The following RBM4 variants were observed in gnomAD, a reference collection of about 807,000 sequenced individuals.
RBM4 encodes RNA-binding protein 4.
Under a neutral mutation model 29.5 loss-of-function variants are expected in RBM4, and 7 were observed. The ratio of observed to expected loss-of-function variants is 0.24; its 90% CI spans 0.14 to 0.45. RBM4 has a LOEUF of 0.45. Among genes scored for constraint, RBM4 ranks in the 20% least tolerant of loss-of-function variants. The pLI is 1.00. For missense variants in RBM4, 387 were observed against 502.3 expected, an observed-to-expected ratio of 0.77 and a Z score of 2.19; for synonymous variants, 220 against 205.4, an observed-to-expected ratio of 1.07 and a Z score of -0.61.
rs760402661 is a variant in RBM4 at position 66,646,338 on chromosome 11, C to T, written c.*320C>T. On this transcript the variant is annotated 3_prime_UTR_variant, in exon 4 of 4. Transcript: ENST00000310092. ...TCTCCTCCCTGCCTCCTGCCTCCTG[C>T]GGCTGTTGGATTTGGGAATGACCTT... is the stretch of plus-strand genomic sequence containing the variant. 2.1e-5 allele frequency: 26 copies of T among 1,261,810 alleles called. No homozygotes were observed. The highest frequency in any genetic ancestry group is 2.6e-5 in the Non-Finnish European group (26 of 997,550). The allele number at this position is 1,261,810 out of a possible 1,614,324, so 78.2% of individuals were successfully genotyped here. A position where few individuals can be genotyped will look rare whatever the true frequency, so the allele number is the denominator to read the frequency against.
intron 3 of RBM4, chr11:66,644,481 G>A: frequency 8.2e-6 from 2 of 242,668 alleles, no homozygotes; most frequent in Non-Finnish European, 1.5e-5. Flanking sequence ...AGGCTCAGGT[G>A]TTTTGTTTCT....
intron 2 of RBM4, chr11:66,641,304 GT>G (rs1378221134): frequency 6.6e-6 from 1 of 152,098 alleles, no homozygotes; most frequent in African/African-American, 2.4e-5. Flanking sequence ...TGCCTTTGGC[GT>G]CCATTTCCCT....
At chr11:66,652,777 C>T (rs1938860146) in intron 2 of RBM4, among the ~76,000 whole-genome samples, 1 of 152,070 alleles carries the variant, frequency 6.6e-6, no homozygotes, top group African/African-American at 2.4e-5. Flanking sequence ...GGCTGAGGTG[C>T]AAAGATTGAG....
In RBM4 at chr11:66,643,525, A is replaced by C. The variant is rs1442164770; in HGVS notation, c.488A>C (p.Tyr163Ser). 1 of 1,614,110 alleles carries C rather than the reference A, an allele frequency of 6.2e-7. No homozygotes were observed. Among genetic ancestry groups the C allele is most frequent in the Non-Finnish European group, 8.5e-7 (1 of 1,180,010 alleles). ...GGGATGGGAGACCAGAGCGGCTGCT[A>C]TCGGTGCGGGAAAGAGGGGCACTGG... Reference protein sequence around the residue: ...APGMGDQSGCYRCGKEGHWSK... With the variant: ...APGMGDQSGCSRCGKEGHWSK... Residue 163 changes from tyrosine to serine, a missense_variant, in exon 3 of 4, where the codon TAT becomes TCT. Physicochemically the swap from Tyr to Ser is moderately radical, Grantham distance 144 (BLOSUM62 -2). This residue lies in a region of RBM4 where 281 missense variants were observed against 288.7 expected (regional missense o/e 0.97). Coordinates refer to ENST00000310092, the MANE Select transcript of RBM4 (RefSeq NM_002896.4). The surrounding 1 kb of genome is among the most constrained non-coding windows in gnomAD (Gnocchi z 6.1).
At chr11:66,666,378 G>A in exon 3 of RBM4, 1 of 995,106 alleles carries the variant, frequency 1.0e-6, no homozygotes, top group Middle Eastern at 5.2e-4. Flanking sequence ...GCTAGGGTGA[G>A]ACCCGAATTT....
chr11:66,639,528 A>T, intron 1 of RBM4, 172 bp from the exon 2 acceptor site: 1 of 792,194 alleles, frequency 1.3e-6, no homozygotes, highest in East Asian at 2.7e-5. Context: ...CATGGCGGCT[A>T]CTATAGCAGG....
At chr11:66,650,994 C>G (rs1938815912), downstream of RBM4, among the ~76,000 whole-genome samples, 1 of 152,162 alleles carries the variant, frequency 6.6e-6, no homozygotes, top group African/African-American at 2.4e-5. Flanking sequence ...TGGACTCCAT[C>G]CTGGGTGACA....
downstream of RBM4, among the ~76,000 whole-genome samples, chr11:66,648,352 C>G (rs1428345595): frequency 1.3e-5 from 2 of 151,940 alleles, no homozygotes; most frequent in African/African-American, 4.8e-5. Context: ...GAAACCCTGT[C>G]TCTGCAAAAA....
chr11:66,650,832 CAG>C (rs1938811476), downstream of RBM4, among the ~76,000 whole-genome samples: 5 of 152,156 alleles, frequency 3.3e-5, no homozygotes, highest in Non-Finnish European at 5.9e-5. Context: ...CACTGCACTC[CAG>C]CCGGGGCAAC....
intron 2 of RBM4, among the ~76,000 whole-genome samples, chr11:66,658,639 T>C (rs1457000615): frequency 6.6e-6 from 1 of 151,906 alleles, no homozygotes; most frequent in Non-Finnish European, 1.5e-5. Flanking sequence ...CCTATGGGAT[T>C]TAAAAAATTA....
In RBM4 at chr11:66,643,300, C is replaced by CTTT; in HGVS notation, c.413-140_413-138dup. On this transcript the variant is annotated intron_variant, in intron 2 of 3. Coordinates refer to ENST00000310092, the MANE Select transcript of RBM4 (RefSeq NM_002896.4). The surrounding 1 kb of genome is among the most constrained non-coding windows in gnomAD (Gnocchi z 6.1). ...ATTATACTGAATCTATATGTTGAGTCTTTTTTTTTTTTCCTTTTTATCTTT... is the reference window on the plus strand; with the variant it reads ...ATTATACTGAATCTATATGTTGAGTCTTTTTTTTTTTTTTTCCTTTTTATCTTT... 1.2e-6 allele frequency: 1 copy of CTTT among 851,428 alleles called. No homozygotes were observed. Among genetic ancestry groups the CTTT allele is most frequent in the Non-Finnish European group, 1.6e-6 (1 of 607,424 alleles). The allele number at this position is 851,428 out of a possible 1,614,324, so 52.7% of individuals were successfully genotyped here. A position where few individuals can be genotyped will look rare whatever the true frequency, so the allele number is the denominator to read the frequency against.
chr11:66,651,744 G>A (rs1405233929), intron 2 of RBM4, among the ~76,000 whole-genome samples: 5 of 152,234 alleles, frequency 3.3e-5, no homozygotes, highest in East Asian at 1.9e-4. Flanking sequence ...TCACAGTTTC[G>A]GAGGCTGGGA....
At position 66,643,676 on chromosome 11, in the gene RBM4, C is replaced by T. The variant is rs372718442; in HGVS notation, c.639C>T (p.Asn213=). The change falls in exon 3 of 4, where the codon AAC becomes AAT. Residue 213 remains asparagine, a synonymous_variant. Transcript: ENST00000310092. The surrounding 1 kb of genome is among the most constrained non-coding windows in gnomAD (Gnocchi z 6.1). Reference sequence around the variant, plus strand: ...ATGGGGATTCATTGTATTACAACAACGCGTACGGAGCGCTCGATGCCTACT... The same window carrying T: ...ATGGGGATTCATTGTATTACAACAATGCGTACGGAGCGCTCGATGCCTACT... ...MSYGDSLYYN[N]AYGALDAYYK... 1.1e-5 allele frequency: 18 copies of T among 1,614,152 alleles called. No homozygotes were observed. The highest frequency in any genetic ancestry group is 2.2e-5 in the South Asian group (2 of 91,084).
In RBM4 at chr11:66,658,322, C is replaced by G. The variant is rs182703744; in HGVS notation, c.413-7534C>G. The stretch of plus-strand genomic sequence containing the variant: ...GGATTACAGGCGTGAGCCACTGTGC[C>G]TGGCCTAGTCTGACCTTTTTTTTTT... On this transcript the variant is annotated intron_variant, in intron 2 of 2. Coordinates refer to the RBM4 transcript ENST00000396053. Among the ~76,000 whole-genome samples the G allele has an allele frequency of 9.5e-3, 1,266 of 133,030 alleles. 57 individuals carry two copies. The East Asian group carries it at 0.15, about 16-fold the overall frequency. 87.3% of individuals were successfully genotyped at this position (133,030 alleles called of 152,430 possible).
chr11:66,663,481 C>T (rs1243647487), intron 2 of RBM4, among the ~76,000 whole-genome samples: 1 of 152,134 alleles, frequency 6.6e-6, no homozygotes, highest in African/African-American at 2.4e-5. Context: ...TCTCCTGCCT[C>T]AGCCTCCCGA....
intron 3 of RBM4, among the ~76,000 whole-genome samples, chr11:66,645,231 A>G (rs2063390303): frequency 6.6e-6 from 1 of 152,168 alleles, no homozygotes; most frequent in Non-Finnish European, 1.5e-5. Context: ...CTCTTCTGAT[A>G]CTTGCCAGCT....
chr11:66,652,746 C>T (rs758638858), intron 2 of RBM4, among the ~76,000 whole-genome samples: 3 of 152,202 alleles, frequency 2.0e-5, no homozygotes, highest in East Asian at 1.9e-4. Flanking sequence ...TGGCGCATGT[C>T]GTAGTCTCAG....
chr11:66,657,184 G>C lies in RBM4; in HGVS notation c.413-8672G>C, dbSNP rs150191826. 4.2e-5 allele frequency among the ~76,000 whole-genome samples: 6 copies of C among 144,284 alleles called. No homozygotes were observed. The East Asian group carries it at 1.2e-3, about 30-fold the overall frequency. 94.7% of individuals were successfully genotyped at this position (144,284 alleles called of 152,430 possible). A position where few individuals can be genotyped will look rare whatever the true frequency, so the allele number is the denominator to read the frequency against. On this transcript the variant is annotated intron_variant, in intron 2 of 2. Coordinates refer to the RBM4 transcript ENST00000396053. ...GGCTGGAGTACAGTGGTATGAGTAT[G>C]GCTCAATGCAGCCTCAACCTTCTGA...
chr11:66,665,536 A>G, intron 2 of RBM4: 1 of 1,486,026 alleles, frequency 6.7e-7, no homozygotes, highest in Non-Finnish European at 9.1e-7. Flanking sequence ...GCAAGTTCTC[A>G]TATATGACCG....
Sources: allele counts gnomAD v4.1 joint callset (sites outside exome capture counted in the v4.1 genomes callset), GRCh38; gene constraint gnomAD v4.1.1; regional missense constraint gnomAD v4.1.1; non-coding constraint Gnocchi (gnomAD v3.1); transcripts MANE v1.5; gene names NCBI Gene and HGNC (gene_info 2026-07-23, HGNC 2026-07-21).